PIWIL1: variants seen among roughly 807,000 people sequenced by gnomAD.
The protein encoded by PIWIL1 is piwi like RNA-mediated gene silencing 1.
A neutral mutation model predicts 114.4 loss-of-function variants in PIWIL1; 73 were observed. The observed-to-expected ratio is 0.64, with a 90% CI of 0.53 to 0.78. The LOEUF (loss-of-function observed/expected upper bound fraction) is 0.78, where lower values mean the gene tolerates loss of function less well. Among genes scored for constraint, PIWIL1 ranks in the 30% least tolerant of loss-of-function variants. The pLI is 0.00. For missense variants in PIWIL1, 723 were observed against 1,063.1 expected, an observed-to-expected ratio of 0.68 and a Z score of 4.45; for synonymous variants, 375 against 369.0, an observed-to-expected ratio of 1.02 and a Z score of -0.19.
chr12:130,361,434 G>A, intron 15 of PIWIL1, 54 bp downstream of exon 15: 2 of 1,609,650 alleles, frequency 1.2e-6, no homozygotes, highest in Non-Finnish European at 1.7e-6. Flanking sequence ...TTAAGAACAT[G>A]GATTTACTTT....
At chr12:130,388,296 C>G in the PIWIL1 span, among the ~76,000 whole-genome samples, 1 of 152,130 alleles carries the variant, frequency 6.6e-6, no homozygotes, top group South Asian at 2.1e-4. Flanking sequence ...TTCCACTGAT[C>G]TTCCATTTAA....
chr12:130,355,830 G>T (rs1485988621), intron 12 of PIWIL1, among the ~76,000 whole-genome samples, 163 bp downstream of exon 12: 1 of 152,174 alleles, frequency 6.6e-6, no homozygotes, highest in Non-Finnish European at 1.5e-5. Flanking sequence ...TCACAATAAA[G>T]CAAGTGGGAA....
chr12:130,377,749 C>T, the PIWIL1 span, among the ~76,000 whole-genome samples: 1 of 152,214 alleles, frequency 6.6e-6, no homozygotes, highest in African/African-American at 2.4e-5. Flanking sequence ...CCTGTGGCCT[C>T]AGCTGTGGCA....
At chr12:130,367,058 T>C in intron 18 of PIWIL1, 75 bp from the exon 19 acceptor site, 1 of 1,544,752 alleles carries the variant, frequency 6.5e-7, no homozygotes, top group East Asian at 2.3e-5. Context: ...AAATGGAGCA[T>C]GTGAACACCT....
intron 11 of PIWIL1, 145 bp from the exon 12 acceptor site, chr12:130,355,408 T>C: frequency 2.9e-6 from 2 of 689,474 alleles, no homozygotes; most frequent in South Asian, 3.4e-5. Flanking sequence ...ATGATTGTGC[T>C]CCTGTGCCAG....
the PIWIL1 span, among the ~76,000 whole-genome samples, chr12:130,418,503 G>A: frequency 6.6e-6 from 1 of 152,158 alleles, no homozygotes; most frequent in Non-Finnish European, 1.5e-5. Flanking sequence ...GAGATCTGCT[G>A]GAGGAACTTA....
the PIWIL1 span, among the ~76,000 whole-genome samples, chr12:130,416,596 C>T: frequency 1.6e-4 from 24 of 152,216 alleles, no homozygotes; most frequent in East Asian, 9.7e-4. Flanking sequence ...AAGATTTGAA[C>T]GTAAGACCTC....
chr12:130,409,183 A>G, the PIWIL1 span, among the ~76,000 whole-genome samples: 1 of 152,154 alleles, frequency 6.6e-6, no homozygotes, highest in Non-Finnish European at 1.5e-5. Flanking sequence ...TGATAAGCAC[A>G]CACAGTCCAG....
chr12:130,399,690 T>G, the PIWIL1 span: 28 of 1,614,192 alleles, frequency 1.7e-5, no homozygotes, highest in Non-Finnish European at 2.3e-5. Flanking sequence ...CTTTTTGCCT[T>G]TGAGCGCATT....
intron 14 of PIWIL1, among the ~76,000 whole-genome samples, chr12:130,358,056 C>T (rs2073413192): frequency 1.3e-5 from 2 of 152,184 alleles, no homozygotes. Context: ...TGCAACCACT[C>T]TCCTAAGCTC....
At chr12:130,338,182 GCCGGGATGCGGGGGCGGCGGCTGGGGGT>G (rs1203522860) in intron 1 of PIWIL1, 36 bp downstream of exon 1, 9 of 332,734 alleles carry the variant, frequency 2.7e-5, no homozygotes, top group Admixed American at 8.9e-5. Context: ...GTGTGCGGGG[GCCGGGATGCGGGGGCGGCGGCTGGGGGT>G]CCGGGATGTG....
chr12:130,422,420 G>A, the PIWIL1 span: 2 of 1,494,592 alleles, frequency 1.3e-6, no homozygotes, highest in Non-Finnish European at 1.9e-6. This position sits in a 1 kb window ranked among gnomAD's most constrained non-coding sequence, Gnocchi z 5.2. Context: ...CTCCGCGGCT[G>A]AAAGACACAA....
chr12:130,399,961 A>G, the PIWIL1 span: 1 of 890,080 alleles, frequency 1.1e-6, no homozygotes, highest in Non-Finnish European at 1.7e-6. Flanking sequence ...ACTCTAAATC[A>G]GGGTTTCCAA....
intron 1 of PIWIL1, chr12:130,342,101 G>T (rs760711664): frequency 6.2e-6 from 1 of 162,458 alleles, no homozygotes; most frequent in Non-Finnish European, 1.3e-5. Flanking sequence ...CATTATGTAT[G>T]CAGAAGGATT....
chr12:130,389,059 AGAT>A, the PIWIL1 span, among the ~76,000 whole-genome samples: 1 of 152,148 alleles, frequency 6.6e-6, no homozygotes, highest in Non-Finnish European at 1.5e-5. Flanking sequence ...ATATCTATTG[AGAT>A]GATAATATGG....
the PIWIL1 span, among the ~76,000 whole-genome samples, chr12:130,407,306 A>G: frequency 0.89 from 135,746 of 152,252 alleles, 61,008 homozygotes; most frequent in East Asian, 1. Flanking sequence ...AAGCTGTGCC[A>G]GGCGACACAA....
the PIWIL1 span, among the ~76,000 whole-genome samples, chr12:130,402,354 A>G: frequency 0.83 from 126,653 of 151,938 alleles, 53,234 homozygotes; most frequent in East Asian, 0.96. Flanking sequence ...AGGCTCCCCC[A>G]GACGACATTC....
At chr12:130,352,929 C>T (rs944728751) in intron 9 of PIWIL1, among the ~76,000 whole-genome samples, 1 of 152,106 alleles carries the variant, frequency 6.6e-6, no homozygotes, top group Non-Finnish European at 1.5e-5. Flanking sequence ...AGTATAGCTA[C>T]GTGAAGCAGA....
the PIWIL1 span, among the ~76,000 whole-genome samples, chr12:130,407,455 A>G: frequency 6.6e-6 from 1 of 152,172 alleles, no homozygotes; most frequent in South Asian, 2.1e-4. Flanking sequence ...TTAGATGTGG[A>G]TGACAGATTG....
Sources: gnomAD v4.1 joint callset for allele counts (sites outside exome capture counted in the v4.1 genomes callset) on GRCh38, gnomAD v4.1.1 for gene constraint, Gnocchi (gnomAD v3.1) non-coding constraint, MANE v1.5 for transcripts, NCBI Gene and HGNC (gene_info 2026-07-23, HGNC 2026-07-21) for gene names.